The following DMTF1 variants were observed in gnomAD, a reference collection of about 807,000 sequenced individuals.
DMTF1 encodes cyclin D binding myb like transcription factor 1.
A neutral mutation model predicts 91.1 loss-of-function variants in DMTF1; 39 were observed. The observed-to-expected ratio is 0.43, with a 90% CI of 0.33 to 0.56. The LOEUF (loss-of-function observed/expected upper bound fraction) is 0.56, where lower values mean the gene tolerates loss of function less well. Among genes scored for constraint, DMTF1 ranks in the 20% least tolerant of loss-of-function variants. The pLI is 0.05. For missense variants in DMTF1, 750 were observed against 914.5 expected (o/e 0.82, Z 2.32); for synonymous variants, 338 against 309.5 (o/e 1.09, Z -0.97).
intron 1 of DMTF1, chr7:87,163,283 A>G (rs1215813998): frequency 6.6e-6 from 1 of 151,000 alleles, no homozygotes; most frequent in South Asian, 2.1e-4. Context: ...TTAAGAAACT[A>G]CCTGTGAATA....
intron 6 of DMTF1, 88 bp from the exon 7 acceptor site, chr7:87,174,505 A>G: frequency 1.1e-6 from 1 of 883,806 alleles, no homozygotes; most frequent in Non-Finnish European, 1.7e-6. Flanking sequence ...TTATCCCCAA[A>G]TATAATTTAA....
At chr7:87,159,665 C>G (rs1190422775) in intron 1 of DMTF1, among the ~76,000 whole-genome samples, 1 of 151,962 alleles carries the variant, frequency 6.6e-6, no homozygotes, top group Non-Finnish European at 1.5e-5. Context: ...ATGGTATAAC[C>G]CATTACAAAG....
intron 1 of DMTF1, among the ~76,000 whole-genome samples, chr7:87,160,345 G>A (rs1301081111): frequency 6.6e-6 from 1 of 151,256 alleles, no homozygotes; most frequent in Non-Finnish European, 1.5e-5. Flanking sequence ...GACGATCTTG[G>A]CTCACTGCAA....
chr7:87,168,863 C>T (rs1007224646), intron 4 of DMTF1, among the ~76,000 whole-genome samples: 6 of 152,166 alleles, frequency 3.9e-5, no homozygotes, highest in Non-Finnish European at 7.3e-5. Context: ...CTTGCAAATA[C>T]CTTTTCCACC....
chr7:87,180,659 T>G (rs1797131990), intron 8 of DMTF1, among the ~76,000 whole-genome samples: 2 of 144,966 alleles, frequency 1.4e-5, no homozygotes, highest in South Asian at 4.2e-4. Context: ...CACCCATAAG[T>G]TTTTTTGGAG....
At chr7:87,170,429 A>C (rs535593787) in intron 4 of DMTF1, among the ~76,000 whole-genome samples, 1 of 152,336 alleles carries the variant, frequency 6.6e-6, no homozygotes, top group South Asian at 2.1e-4. Flanking sequence ...AAGGGCTTAC[A>C]CAATCTCCTA....
At chr7:87,182,552 A>T (rs902590964) in intron 10 of DMTF1, among the ~76,000 whole-genome samples, 2 of 152,258 alleles carry the variant, frequency 1.3e-5, no homozygotes, top group African/African-American at 4.8e-5. Context: ...TCAGGGACAC[A>T]ACATCACCTT....
At chr7:87,169,561 T>C (rs1171956331) in intron 4 of DMTF1, among the ~76,000 whole-genome samples, 2 of 151,840 alleles carry the variant, frequency 1.3e-5, no homozygotes, top group Admixed American at 6.6e-5. Context: ...TTTGCCTTCA[T>C]TTCCTTTCCT....
At chr7:87,165,433 A>G (rs1015356014) in intron 3 of DMTF1, among the ~76,000 whole-genome samples, 3 of 152,210 alleles carry the variant, frequency 2.0e-5, no homozygotes, top group South Asian at 2.1e-4. Flanking sequence ...GTGATCTACA[A>G]TGAATTAAGA....
At position 87,193,178 on chromosome 7, in the gene DMTF1, A is replaced by C. The variant is rs374634777; in HGVS notation, c.1495-20A>C. 6.2e-6 allele frequency: 10 copies of C among 1,611,808 alleles called. No homozygotes were observed. In the African/African-American group the frequency reaches 8.0e-5, roughly 13 times the overall value. On this transcript the variant is annotated intron_variant, in intron 14 of 17. Coordinates refer to ENST00000331242, the MANE Select transcript of DMTF1 (RefSeq NM_001142327.2). ...AAGTAGACTTAATCATTGTTAAACTATCTTTCCTTTTTCCTTTAGTCTTTC... is the reference window on the plus strand; with the variant it reads ...AAGTAGACTTAATCATTGTTAAACTCTCTTTCCTTTTTCCTTTAGTCTTTC...
intron 10 of DMTF1, among the ~76,000 whole-genome samples, 157 bp downstream of exon 10, chr7:87,182,494 A>C (rs1797572983): frequency 6.6e-6 from 1 of 152,160 alleles, no homozygotes; most frequent in African/African-American, 2.4e-5. Context: ...CTTATTAGAT[A>C]TATCAAACTA....
intron 10 of DMTF1, among the ~76,000 whole-genome samples, chr7:87,183,035 T>G (rs1261754283): frequency 1.3e-5 from 2 of 152,158 alleles, no homozygotes; most frequent in African/African-American, 4.8e-5. Context: ...ATAGTGCCCT[T>G]TTAGCCATAA....
chr7:87,153,569 C>G lies in DMTF1; in HGVS notation c.-132+1014C>G, dbSNP rs958313818. Among the ~76,000 whole-genome samples, 3 of 152,024 alleles carry G rather than the reference C, an allele frequency of 2.0e-5. No homozygotes were observed. The East Asian group carries it at 5.8e-4, about 29-fold the overall frequency. On this transcript the variant is annotated intron_variant, in intron 1 of 17. Coordinates refer to ENST00000331242, the MANE Select transcript of DMTF1 (RefSeq NM_001142327.2). The stretch of plus-strand genomic sequence containing the variant: ...TATACAGTATGAGTCAGGACTCCTC[C>G]CTTTCTCTCATTGAATTTGTGTAGT...
At chr7:87,175,900 AGTAGTT>A (rs1453296791) in intron 7 of DMTF1, among the ~76,000 whole-genome samples, 14 of 152,236 alleles carry the variant, frequency 9.2e-5, no homozygotes, top group African/African-American at 3.1e-4. Context: ...AAGAAAAGCT[AGTAGTT>A]TAGTTGAGTA....
chr7:87,171,643 A>G (rs1019418807), intron 5 of DMTF1, among the ~76,000 whole-genome samples: 7 of 152,294 alleles, frequency 4.6e-5, no homozygotes, highest in African/African-American at 1.7e-4. Context: ...AGCCTTATAT[A>G]TACATTATAG....
rs751661855 is a variant in DMTF1 at position 87,173,664 on chromosome 7, T to C, written c.442+15T>C. On this transcript the variant is annotated intron_variant, in intron 6 of 17. Transcript: ENST00000331242. ...GACTAATAAAGGTAAGATAACACTGTGAATTTTAGTGCCTAGTGAAAAAAA... is the reference window on the plus strand; with the variant it reads ...GACTAATAAAGGTAAGATAACACTGCGAATTTTAGTGCCTAGTGAAAAAAA... The C allele has an allele frequency of 7.2e-6, 11 of 1,521,562 alleles. No individual in the cohort carries two copies. The East Asian group carries it at 2.5e-4, about 35-fold the overall frequency. The allele number at this position is 1,521,562 out of a possible 1,614,324, so 94.3% of individuals were successfully genotyped here.
intron 14 of DMTF1, among the ~76,000 whole-genome samples, chr7:87,192,136 T>C (rs73208506): frequency 0.037 from 5,604 of 152,226 alleles, 127 homozygotes; most frequent in East Asian, 0.065. Flanking sequence ...TTGAGGTATG[T>C]GTTCAGGTTT....
intron 11 of DMTF1, chr7:87,185,073 A>G (rs932303131): frequency 6.8e-6 from 2 of 295,792 alleles, no homozygotes; most frequent in African/African-American, 4.4e-5. Context: ...CCACACCTCC[A>G]AAGTAGACCA....
At chr7:87,167,833 G>A (rs984574311) in intron 4 of DMTF1, among the ~76,000 whole-genome samples, 25 of 151,944 alleles carry the variant, frequency 1.6e-4, no homozygotes, top group African/African-American at 6.0e-4. Context: ...AACTTAATTG[G>A]CCTATCTATA....
Sources: allele counts gnomAD v4.1 joint callset (sites outside exome capture counted in the v4.1 genomes callset), GRCh38; gene constraint gnomAD v4.1.1; transcripts MANE v1.5; gene names NCBI Gene and HGNC (gene_info 2026-07-23, HGNC 2026-07-21).